RAB30: variants seen among roughly 807,000 people sequenced by gnomAD.
The protein encoded by RAB30 is ras-related protein Rab-30.
Under a neutral mutation model 25.1 loss-of-function variants are expected in RAB30, and 9 were observed. The observed-to-expected ratio is 0.36, with a 90% CI of 0.22 to 0.63. The LOEUF (loss-of-function observed/expected upper bound fraction) is 0.63. RAB30 is among the 20% of genes least tolerant of loss of function. The pLI, the probability that RAB30 is intolerant of heterozygous loss-of-function variation, is 0.69. For synonymous variants in RAB30, 77 were observed against 86.4 expected (o/e 0.89, Z 0.60); for missense variants, 140 against 243.5 (o/e 0.58, Z 2.83).
intron 1 of RAB30, among the ~76,000 whole-genome samples, chr11:83,004,638 G>T (rs935022898): frequency 2.0e-5 from 3 of 152,164 alleles, no homozygotes; most frequent in African/African-American, 7.2e-5. Flanking sequence ...TGGCACGGGG[G>T]CTCAGCAGGT....
chr11:83,068,964 T>C (rs570090401), intron 1 of RAB30, among the ~76,000 whole-genome samples: 2 of 152,228 alleles, frequency 1.3e-5, no homozygotes, highest in African/African-American at 2.4e-5. Flanking sequence ...AGGGAAAGCA[T>C]TTGTTTTCAC....
intron 2 of RAB30, among the ~76,000 whole-genome samples, chr11:82,996,867 G>A (rs187249806): frequency 3.7e-4 from 56 of 152,258 alleles, no homozygotes; most frequent in Admixed American, 3.0e-3. Flanking sequence ...TCAGTTTGAC[G>A]TCCAGATTCA....
chr11:83,051,882 A>G (rs528871253), intron 1 of RAB30, among the ~76,000 whole-genome samples: 18 of 152,338 alleles, frequency 1.2e-4, no homozygotes, highest in Admixed American at 1.2e-3. Flanking sequence ...AATCACACAT[A>G]GCTCTAAGAA....
At chr11:82,998,399 T>C (rs1857005185) in intron 1 of RAB30, among the ~76,000 whole-genome samples, 1 of 151,984 alleles carries the variant, frequency 6.6e-6, no homozygotes, top group Non-Finnish European at 1.5e-5. Context: ...TATACAAAAA[T>C]TACCCAGGTG....
intron 4 of RAB30, chr11:82,987,355 T>C (rs1856757275): frequency 5.8e-6 from 2 of 345,864 alleles, no homozygotes; most frequent in Non-Finnish European, 5.1e-6. Flanking sequence ...ATCCAACTTC[T>C]TCCCTAGAGC....
At chr11:83,063,035 G>T (rs568714422) in intron 1 of RAB30, among the ~76,000 whole-genome samples, 1 of 149,838 alleles carries the variant, frequency 6.7e-6, no homozygotes, top group Admixed American at 6.6e-5. Context: ...AGTTGTCCAC[G>T]TAGCAAACAG....
chr11:83,015,344 C>T (rs79882628), intron 1 of RAB30, among the ~76,000 whole-genome samples: 5,345 of 151,772 alleles, frequency 0.035, 330 homozygotes, highest in African/African-American at 0.12. Context: ...ATAGAGAAGA[C>T]AGAACTTGCT....
chr11:83,040,890 C>T (rs1021967134), intron 1 of RAB30: 9 of 154,130 alleles, frequency 5.8e-5, no homozygotes, highest in South Asian at 1.8e-4. Flanking sequence ...AGAGCCACCA[C>T]GTCTTCAAAT....
At chr11:83,003,875 T>C (rs1270886338) in intron 1 of RAB30, among the ~76,000 whole-genome samples, 1 of 152,108 alleles carries the variant, frequency 6.6e-6, no homozygotes, top group Non-Finnish European at 1.5e-5. Context: ...GGTCTGCAAA[T>C]AGAACCGATT....
intron 1 of RAB30, among the ~76,000 whole-genome samples, chr11:82,999,266 T>C (rs1445351865): frequency 6.6e-6 from 1 of 152,152 alleles, no homozygotes; most frequent in Non-Finnish European, 1.5e-5. Flanking sequence ...ATTAAGAGGG[T>C]GGCCTGAAAT....
chr11:83,015,759 G>A (rs1343293890), intron 1 of RAB30, among the ~76,000 whole-genome samples: 1 of 152,144 alleles, frequency 6.6e-6, no homozygotes, highest in Non-Finnish European at 1.5e-5. Flanking sequence ...AGCTCAGAGA[G>A]GTAGGAAGAG....
At chr11:83,039,539 T>C (rs1858060075) in intron 1 of RAB30, among the ~76,000 whole-genome samples, 1 of 152,058 alleles carries the variant, frequency 6.6e-6, no homozygotes. Context: ...ATTAGTCGGC[T>C]GTGGTGGCGT....
intron 1 of RAB30, among the ~76,000 whole-genome samples, chr11:83,051,225 C>G (rs1035821388): frequency 6.6e-6 from 1 of 152,092 alleles, no homozygotes; most frequent in Non-Finnish European, 1.5e-5. Flanking sequence ...ATGGAAGGAG[C>G]CTGGGTGCCC....
chr11:83,021,550 G>A (rs1021374582), intron 1 of RAB30, among the ~76,000 whole-genome samples: 1 of 152,262 alleles, frequency 6.6e-6, no homozygotes, highest in African/African-American at 2.4e-5. Flanking sequence ...CAGCTGGGAT[G>A]TCTGGCTGTG....
chr11:83,066,927 A>G (rs916291219), intron 1 of RAB30, among the ~76,000 whole-genome samples: 14 of 152,112 alleles, frequency 9.2e-5, no homozygotes, highest in African/African-American at 3.1e-4. Context: ...TCCTCTTCCA[A>G]TGTGTTGATA....
At chr11:83,038,838 A>T (rs779426010) in intron 1 of RAB30, 1 of 151,942 alleles carries the variant, frequency 6.6e-6, no homozygotes, top group Non-Finnish European at 1.5e-5. Context: ...AATAAAAAAA[A>T]AAAAGAAGAA....
intron 1 of RAB30, among the ~76,000 whole-genome samples, chr11:83,065,811 T>C (rs1185651453): frequency 6.6e-6 from 1 of 152,194 alleles, no homozygotes; most frequent in Non-Finnish European, 1.5e-5. Flanking sequence ...TCTCATCATG[T>C]GAACCTCCCA....
chr11:83,003,804 G>T (rs1288673228), intron 1 of RAB30, among the ~76,000 whole-genome samples: 1 of 151,578 alleles, frequency 6.6e-6, no homozygotes, highest in Non-Finnish European at 1.5e-5. Flanking sequence ...CAGCATCATA[G>T]AATTATATAA....
At chr11:83,052,800 G>A (rs1400000140) in intron 1 of RAB30, among the ~76,000 whole-genome samples, 1 of 152,186 alleles carries the variant, frequency 6.6e-6, no homozygotes, top group African/African-American at 2.4e-5. Context: ...TGGGGAGGGA[G>A]AAGGGATCCA....
Sources: allele counts gnomAD v4.1 joint callset (sites outside exome capture counted in the v4.1 genomes callset), GRCh38; gene constraint gnomAD v4.1.1; transcripts MANE v1.5; gene names NCBI Gene and HGNC (gene_info 2026-07-23, HGNC 2026-07-21).